USP14: variants seen among roughly 807,000 people sequenced by gnomAD.
The protein encoded by USP14 is ubiquitin carboxyl-terminal hydrolase 14.
In USP14, 38 loss-of-function variants were observed where a neutral mutation model predicts 76.5. That is an observed-to-expected ratio of 0.50 (90% CI 0.38 to 0.65). The LOEUF (loss-of-function observed/expected upper bound fraction) is 0.65, where lower values mean the gene tolerates loss of function less well. Among genes scored for constraint, USP14 ranks in the 30% least tolerant of loss-of-function variants. The pLI is 0.00. For synonymous variants in USP14, 192 were observed against 191.7 expected (o/e 1.00, Z -0.01); for missense variants, 467 against 586.5 (o/e 0.80, Z 2.10).
chr18:178,026 G>C (rs1057210894), intron 3 of USP14, among the ~76,000 whole-genome samples: 1 of 151,952 alleles, frequency 6.6e-6, no homozygotes, highest in Non-Finnish European at 1.5e-5. Context: ...TTGTTTGTTT[G>C]TTATATTTTT....
In USP14 at chr18:179,045, A is replaced by G. The variant is rs201785469; in HGVS notation, c.300+8A>G. The G allele has an allele frequency of 1.7e-5, 27 of 1,581,540 alleles. No individual in the cohort carries two copies. The East Asian group carries it at 5.4e-4, about 32-fold the overall frequency. On this transcript the variant is annotated splice_region_variant and intron_variant, in intron 4 of 15. Coordinates refer to ENST00000261601, the MANE Select transcript of USP14 (RefSeq NM_005151.4). ...GAACAGTTAGCATCTGCTGTAAGAC[A>G]CACCAGATTTTATGTGTTTGATCAC...
intron 5 of USP14, among the ~76,000 whole-genome samples, chr18:183,604 C>A (rs1022249103): frequency 6.6e-6 from 1 of 152,076 alleles, no homozygotes; most frequent in Non-Finnish European, 1.5e-5. Flanking sequence ...TTCTGTCTTA[C>A]ATTTTACTGA....
chr18:179,240 G>T lies in USP14; in HGVS notation c.300+203G>T, dbSNP rs573680005. 1.5e-4 allele frequency among the ~76,000 whole-genome samples: 23 copies of T among 151,036 alleles called. No homozygotes were observed. In the South Asian group the frequency reaches 2.9e-3, roughly 19 times the overall value. On this transcript the variant is annotated intron_variant, in intron 4 of 15. Coordinates refer to ENST00000261601, the MANE Select transcript of USP14 (RefSeq NM_005151.4). Reference sequence around the variant, plus strand: ...GTAGTTAAATAAGGCACAGCTAGGGGTTTTTTTTTGTATTGTACACCTTAC... The same window carrying T: ...GTAGTTAAATAAGGCACAGCTAGGGTTTTTTTTTTGTATTGTACACCTTAC...
At chr18:165,791 T>C (rs748670092) in intron 2 of USP14, among the ~76,000 whole-genome samples, 20 of 152,196 alleles carry the variant, frequency 1.3e-4, no homozygotes, top group Non-Finnish European at 2.5e-4. Context: ...TTAGCAGTCA[T>C]AGACCTTAAA....
intron 3 of USP14, among the ~76,000 whole-genome samples, chr18:171,136 G>GT (rs1363758612): frequency 1.3e-5 from 2 of 150,464 alleles, no homozygotes; most frequent in Non-Finnish European, 2.9e-5. Flanking sequence ...AGGTGAAACA[G>GT]TAAGTGCTGA....
intron 5 of USP14, among the ~76,000 whole-genome samples, chr18:186,407 G>A (rs923134012): frequency 1.3e-5 from 2 of 152,062 alleles, no homozygotes; most frequent in African/African-American, 4.8e-5. Context: ...AGTGAGCTGT[G>A]ATGATGCCAC....
intron 3 of USP14, 83 bp from the exon 4 acceptor site, chr18:178,850 C>A: frequency 5.9e-6 from 6 of 1,015,394 alleles, no homozygotes; most frequent in Non-Finnish European, 8.7e-6. Flanking sequence ...TATATGTGTT[C>A]TTTTGTTCCT....
intron 5 of USP14, among the ~76,000 whole-genome samples, chr18:189,606 C>T (rs141844059): frequency 0.017 from 2,590 of 152,202 alleles, 87 homozygotes; most frequent in African/African-American, 0.06. Flanking sequence ...CCACAGCCTC[C>T]TGAGTAGCTG....
At chr18:196,863 C>T (rs1392455351) in intron 7 of USP14, 96 bp downstream of exon 7, 14 of 1,470,284 alleles carry the variant, frequency 9.5e-6, no homozygotes, top group Non-Finnish European at 1.3e-5. Flanking sequence ...ATATAAACAT[C>T]AGTCTTCTCT....
At chr18:177,306 C>CA (rs1174051045) in intron 3 of USP14, among the ~76,000 whole-genome samples, 3 of 151,646 alleles carry the variant, frequency 2.0e-5, no homozygotes, top group South Asian at 4.2e-4. Flanking sequence ...CTTGCAGTCC[C>CA]AGCACTTTGG....
At chr18:159,598 C>T (rs752923045) in intron 1 of USP14, among the ~76,000 whole-genome samples, 1 of 152,082 alleles carries the variant, frequency 6.6e-6, no homozygotes, top group African/African-American at 2.4e-5. Context: ...AAGCATGATA[C>T]GAATCAAGAG....
intron 10 of USP14, among the ~76,000 whole-genome samples, chr18:201,772 A>G (rs991303138): frequency 1.3e-5 from 2 of 152,226 alleles, no homozygotes; most frequent in Non-Finnish European, 2.9e-5. Context: ...AGGAAAACCG[A>G]ACATACCCAG....
At chr18:202,802 GCTT>G (rs1910418267) in intron 10 of USP14, 75 bp from the exon 11 acceptor site, 1 of 1,433,088 alleles carries the variant, frequency 7.0e-7, no homozygotes, top group Admixed American at 1.8e-5. Flanking sequence ...TTTTTAAAAG[GCTT>G]ACTGGTGTGA....
Position 204,607 on chromosome 18 carries a change from C to T in USP14, c.1079C>T (p.Thr360Ile). ...ATGTTGGATATGTATGAACTGTGTA[C>T]ACCAGAACTTCAAGAGAAAATGGTG... ...PLMLDMYELCTPELQEKMVSF... is the reference protein window; with the variant it reads ...PLMLDMYELCIPELQEKMVSF... Residue 360 changes from threonine (T) to isoleucine (I), a missense_variant, in exon 13 of 16, where the codon ACA becomes ATA. By Grantham distance (89) the Thr-to-Ile change is moderately conservative (BLOSUM62 -1). Transcript: ENST00000261601. The T allele has an allele frequency of 1.2e-6, 2 of 1,613,022 alleles. No individual in the cohort carries two copies. The highest frequency in any genetic ancestry group is 2.2e-5 in the East Asian group (1 of 44,762).
At chr18:174,050 C>T (rs1909552521) in intron 3 of USP14, among the ~76,000 whole-genome samples, 1 of 151,974 alleles carries the variant, frequency 6.6e-6, no homozygotes, top group African/African-American at 2.4e-5. Context: ...CTTTGTACAT[C>T]TATTGCACAT....
Position 212,763 on chromosome 18 carries a change from C to G in USP14, c.*1479C>G, listed in dbSNP as rs778466588. The G allele has an allele frequency of 6.6e-6, 1 of 152,046 alleles. No individual in the cohort carries two copies. The highest frequency in any genetic ancestry group is 1.5e-5 in the Non-Finnish European group (1 of 68,018). The allele number at this position is 152,046 out of a possible 1,614,324, so 9.4% of individuals were successfully genotyped here. A position where few individuals can be genotyped will look rare whatever the true frequency, so the allele number is the denominator to read the frequency against. On this transcript the variant is annotated 3_prime_UTR_variant, in exon 16 of 16. Coordinates refer to ENST00000261601, the MANE Select transcript of USP14 (RefSeq NM_005151.4). ...TTTGTTCCAGGACCCTTGACTGATG[C>G]TAGGGAAAGGATAAAGCATAGAATA...
chr18:164,659 G>A (rs1909219740), intron 2 of USP14, among the ~76,000 whole-genome samples: 1 of 152,026 alleles, frequency 6.6e-6, no homozygotes, highest in Non-Finnish European at 1.5e-5. Context: ...TCACCATGTT[G>A]GCCAGTTTGG....
rs1474745131 is a variant in USP14, at chr18:196,685, C to T, written c.512C>T (p.Pro171Leu). 2 of 1,613,648 alleles carry T rather than the reference C, an allele frequency of 1.2e-6. No homozygotes were observed. The highest frequency in any genetic ancestry group is 2.2e-5 in the East Asian group (1 of 44,828). ...DSMDKTSSSI[P>L]PIILLQFLHM... Reference sequence around the variant, plus strand: ...ATGGATAAAACTTCTTCCAGTATTCCACCTATTATTCTACTGCAGTTTTTG... The same window carrying T: ...ATGGATAAAACTTCTTCCAGTATTCTACCTATTATTCTACTGCAGTTTTTG... The change falls in exon 7 of 16, where the codon CCA (proline) becomes CTA (leucine). Residue 171 changes from proline to leucine, a missense_variant. Pro to Leu is a moderately conservative substitution (Grantham distance 98, BLOSUM62 -3). Coordinates refer to ENST00000261601, the MANE Select transcript of USP14 (RefSeq NM_005151.4).
intron 4 of USP14, among the ~76,000 whole-genome samples, 191 bp downstream of exon 4, chr18:179,228 G>T (rs976957129): frequency 4.6e-5 from 7 of 152,040 alleles, no homozygotes; most frequent in African/African-American, 1.7e-4. Flanking sequence ...GTTAAATAAG[G>T]CACAGCTAGG....
Sources: gnomAD v4.1 joint callset for allele counts (sites outside exome capture counted in the v4.1 genomes callset) on GRCh38, gnomAD v4.1.1 for gene constraint, MANE v1.5 for transcripts, NCBI Gene and HGNC (gene_info 2026-07-23, HGNC 2026-07-21) for gene names.